ASTN2: variants seen among roughly 807,000 people sequenced by gnomAD.
ASTN2 encodes the protein astrotactin-2.
A neutral mutation model predicts 139.8 loss-of-function variants in ASTN2; 54 were observed. The ratio of observed to expected loss-of-function variants is 0.39; its 90% CI spans 0.31 to 0.48. ASTN2 has a LOEUF of 0.48. Ranked by LOEUF, ASTN2 falls within the 20% of genes least tolerant of loss-of-function variation. ASTN2 has a pLI of 0.95. For missense variants in ASTN2, 1,565 were observed against 1,725.1 expected, an observed-to-expected ratio of 0.91 and a Z score of 1.64; for synonymous variants, 756 against 719.5, an observed-to-expected ratio of 1.05 and a Z score of -0.81.
intron 7 of ASTN2, among the ~76,000 whole-genome samples, chr9:116,980,056 G>T (rs1020368174): frequency 2.6e-5 from 4 of 152,096 alleles, no homozygotes; most frequent in African/African-American, 9.7e-5. Flanking sequence ...CCCCCATGAG[G>T]CTTCCTGGAG....
chr9:116,619,754 T>C (rs7858542), intron 18 of ASTN2, among the ~76,000 whole-genome samples: 145,818 of 146,012 alleles, frequency 1, 72,812 homozygotes, highest in East Asian at 1. Context: ...CTGGTCTCAA[T>C]TCCTGGCCTC....
intron 6 of ASTN2, among the ~76,000 whole-genome samples, chr9:117,035,676 T>C (rs1287543653): frequency 1.3e-5 from 2 of 152,144 alleles, no homozygotes; most frequent in Non-Finnish European, 2.9e-5. Flanking sequence ...GCAGCACTGA[T>C]AGAGTTTCTG....
At chr9:116,571,501 C>T (rs545527343) in intron 19 of ASTN2, among the ~76,000 whole-genome samples, 9 of 152,264 alleles carry the variant, frequency 5.9e-5, no homozygotes, top group East Asian at 3.9e-4. Context: ...TATGTCCATA[C>T]GGTGAGTGTG....
At chr9:116,826,534 G>A (rs759559478) in intron 11 of ASTN2, among the ~76,000 whole-genome samples, 86 of 152,160 alleles carry the variant, frequency 5.7e-4, no homozygotes, top group Non-Finnish European at 9.7e-4. Context: ...GGACTAGCCC[G>A]CCCAACCCAT....
At chr9:116,969,793 T>C (rs141473645) in intron 10 of ASTN2, among the ~76,000 whole-genome samples, 1 of 152,312 alleles carries the variant, frequency 6.6e-6, no homozygotes, top group East Asian at 1.9e-4. Flanking sequence ...CCTGAGGACT[T>C]CTTAAACCAG....
At chr9:117,091,144 C>G (rs988098651) in intron 5 of ASTN2, among the ~76,000 whole-genome samples, 1 of 152,194 alleles carries the variant, frequency 6.6e-6, no homozygotes, top group Non-Finnish European at 1.5e-5. Flanking sequence ...AAGAGGAGAG[C>G]AGGCCCTTTC....
intron 4 of ASTN2, among the ~76,000 whole-genome samples, chr9:117,132,493 C>A (rs972061302): frequency 1.3e-5 from 2 of 152,188 alleles, no homozygotes; most frequent in African/African-American, 4.8e-5. Context: ...GCTAAGGCTG[C>A]TTTCAGTTGC....
intron 10 of ASTN2, among the ~76,000 whole-genome samples, chr9:116,951,090 C>A (rs1348856779): frequency 6.6e-6 from 1 of 152,070 alleles, no homozygotes; most frequent in Non-Finnish European, 1.5e-5. Context: ...GTAGCCCCAG[C>A]ACTTTGGGAG....
intron 4 of ASTN2, among the ~76,000 whole-genome samples, chr9:117,117,516 G>A (rs1240562847): frequency 6.6e-6 from 1 of 152,046 alleles, no homozygotes; most frequent in African/African-American, 2.4e-5. Context: ...GCCTCAAGAT[G>A]TGAGCAGAGG....
At chr9:117,065,899 G>A (rs370303971) in intron 5 of ASTN2, among the ~76,000 whole-genome samples, 32 of 152,002 alleles carry the variant, frequency 2.1e-4, no homozygotes, top group African/African-American at 5.3e-4. Flanking sequence ...CACTTTCTTC[G>A]TAAGTATCTT....
intron 4 of ASTN2, among the ~76,000 whole-genome samples, chr9:117,114,524 A>G (rs1019099709): frequency 2.6e-5 from 4 of 152,346 alleles, no homozygotes; most frequent in Middle Eastern, 6.8e-3. Context: ...TTATATATCA[A>G]TCATGGAATA....
chr9:116,815,718 T>C (rs1008551025), intron 12 of ASTN2, among the ~76,000 whole-genome samples: 1 of 142,152 alleles, frequency 7.0e-6, no homozygotes, highest in African/African-American at 2.6e-5. Flanking sequence ...GGCAGGAGAA[T>C]GGCCTGAACC....
intron 13 of ASTN2, among the ~76,000 whole-genome samples, chr9:116,800,041 T>A (rs549669507): frequency 1.3e-5 from 2 of 152,298 alleles, no homozygotes; most frequent in East Asian, 3.9e-4. Flanking sequence ...CTCAGCACCA[T>A]CCAGTCTCTC....
intron 19 of ASTN2, among the ~76,000 whole-genome samples, chr9:116,588,871 C>T (rs1291410181): frequency 6.6e-6 from 1 of 152,104 alleles, no homozygotes; most frequent in Non-Finnish European, 1.5e-5. Flanking sequence ...AAGAGGTTAT[C>T]CCTCTGGGAT....
At chr9:117,045,282 A>G (rs1838700167) in intron 5 of ASTN2, among the ~76,000 whole-genome samples, 1 of 151,246 alleles carries the variant, frequency 6.6e-6, no homozygotes, top group South Asian at 2.1e-4. Context: ...AAAGAGCTAA[A>G]TAAATTAAAT....
At chr9:117,347,842 C>T (rs143356831) in intron 1 of ASTN2, among the ~76,000 whole-genome samples, 5 of 152,242 alleles carry the variant, frequency 3.3e-5, no homozygotes, top group African/African-American at 1.2e-4. Flanking sequence ...GACAAGGGCA[C>T]ATGTGCTAAA....
intron 5 of ASTN2, among the ~76,000 whole-genome samples, chr9:117,042,290 A>G (rs1310126661): frequency 2.0e-5 from 3 of 152,308 alleles, no homozygotes; most frequent in East Asian, 3.9e-4. Context: ...CTTAATAAAC[A>G]GTGACCTGCT....
At chr9:116,447,867 T>C (rs1316479547) in intron 20 of ASTN2, among the ~76,000 whole-genome samples, 3 of 152,172 alleles carry the variant, frequency 2.0e-5, no homozygotes, top group Non-Finnish European at 4.4e-5. Flanking sequence ...CTGGAGTAAG[T>C]GGTCCCAGTG....
In ASTN2 at chr9:116,442,611, G is replaced by A. The variant is rs1044478595; in HGVS notation, c.3498-58C>T. 59 of 1,393,674 alleles carry A rather than the reference G, an allele frequency of 4.2e-5. No homozygotes were observed. The African/African-American group carries it at 5.7e-4, about 13-fold the overall frequency. 86.3% of individuals were successfully genotyped at this position (1,393,674 alleles called of 1,614,324 possible). A position where few individuals can be genotyped will look rare whatever the true frequency, so the allele number is the denominator to read the frequency against. On this transcript the variant is annotated intron_variant, in intron 20 of 22. Transcript: ENST00000313400. Reference sequence around the variant, plus strand: ...TGTGACTTCACAGAAGGCCCTGGGAGTTGCAGGGAAGAACAGAGAGTCATG... The same window carrying A: ...TGTGACTTCACAGAAGGCCCTGGGAATTGCAGGGAAGAACAGAGAGTCATG...
Sources: allele counts gnomAD v4.1 joint callset (sites outside exome capture counted in the v4.1 genomes callset), GRCh38; gene constraint gnomAD v4.1.1; transcripts MANE v1.5; gene names NCBI Gene and HGNC (gene_info 2026-07-23, HGNC 2026-07-21).